LDB2: variants seen among roughly 807,000 people sequenced by gnomAD.
LDB2 encodes LIM domain-binding protein 2.
LDB2 carries 12 observed loss-of-function variants against 44.3 expected under a neutral mutation model. The ratio of observed to expected loss-of-function variants is 0.27; its 90% CI spans 0.17 to 0.44. LDB2 has a LOEUF of 0.44. Ranked by LOEUF, LDB2 falls within the 20% of genes least tolerant of loss-of-function variation. The pLI is 1.00. For missense variants in LDB2, 344 were observed against 473.5 expected, an observed-to-expected ratio of 0.73 and a Z score of 2.54; for synonymous variants, 164 against 174.8, an observed-to-expected ratio of 0.94 and a Z score of 0.49.
chr4:16,747,800 A>G (rs1250114032), intron 2 of LDB2, among the ~76,000 whole-genome samples: 3 of 152,300 alleles, frequency 2.0e-5, no homozygotes, highest in East Asian at 1.9e-4. Flanking sequence ...TGGAGACACC[A>G]TGTGTGTCTA....
intron 2 of LDB2, among the ~76,000 whole-genome samples, chr4:16,604,339 A>C (rs1188223537): frequency 6.6e-6 from 1 of 152,008 alleles, no homozygotes; most frequent in African/African-American, 2.4e-5. Flanking sequence ...GAATGTTTTA[A>C]AAAGTTTTCT....
intron 2 of LDB2, among the ~76,000 whole-genome samples, chr4:16,697,097 T>A (rs976651012): frequency 2.6e-5 from 4 of 152,066 alleles, no homozygotes; most frequent in Admixed American, 2.6e-4. Context: ...TATATTTCCA[T>A]CTTTAGTAAG....
intron 1 of LDB2, among the ~76,000 whole-genome samples, chr4:16,829,065 C>T (rs1160862385): frequency 6.6e-6 from 1 of 152,166 alleles, no homozygotes; most frequent in Non-Finnish European, 1.5e-5. Flanking sequence ...TACCCACTCC[C>T]CTCCTCCCTC....
At chr4:16,655,320 A>G (rs1188841189) in intron 2 of LDB2, among the ~76,000 whole-genome samples, 1 of 152,124 alleles carries the variant, frequency 6.6e-6, no homozygotes, top group Non-Finnish European at 1.5e-5. Flanking sequence ...TATGCTTCAA[A>G]GCACTACCCA....
chr4:16,657,194 G>C (rs966932631), intron 2 of LDB2, among the ~76,000 whole-genome samples: 1 of 152,190 alleles, frequency 6.6e-6, no homozygotes, highest in African/African-American at 2.4e-5. Context: ...CAAAAAGGCT[G>C]TTACTGGGAA....
chr4:16,645,447 G>A (rs1177663851), intron 2 of LDB2, among the ~76,000 whole-genome samples: 1 of 149,340 alleles, frequency 6.7e-6, no homozygotes, highest in Non-Finnish European at 1.5e-5. Flanking sequence ...TGAGGCAGGA[G>A]AATGGCGTGA....
Position 16,533,680 on chromosome 4 carries a change from G to C in LDB2, c.616-21576C>G, listed in dbSNP as rs536825813. Among the ~76,000 whole-genome samples the C allele has an allele frequency of 3.3e-4, 50 of 152,322 alleles. No homozygotes were observed. The highest frequency in any genetic ancestry group is 1.2e-3 in the African/African-American group (49 of 41,584). On this transcript the variant is annotated intron_variant, in intron 5 of 7. Transcript: ENST00000304523. The surrounding 1 kb of genome is among the most constrained non-coding windows in gnomAD (Gnocchi z 4.1). ...TTACCAGACACCTTGTCTGAGGGAC[G>C]TCACCCTGGCTGAACAAATGGTTGC...
At chr4:16,883,282 G>A (rs1286959135) in intron 1 of LDB2, among the ~76,000 whole-genome samples, 1 of 152,230 alleles carries the variant, frequency 6.6e-6, no homozygotes, top group African/African-American at 2.4e-5. Context: ...ATCTAACTGG[G>A]ATCGTAGACT....
At chr4:16,753,339 G>C (rs192772786) in intron 2 of LDB2, among the ~76,000 whole-genome samples, 147 of 152,196 alleles carry the variant, frequency 9.7e-4, no homozygotes, top group African/African-American at 3.4e-3. Context: ...AACCTACTTG[G>C]GCCCCTTGCA....
rs71181181 is a variant in LDB2 at position 16,693,347 on chromosome 4, CTTTTTTT to C, written c.235+65804_235+65810del. Among the ~76,000 whole-genome samples the C allele has an allele frequency of 1.0e-3, 115 of 112,122 alleles. 1 individual carries two copies. The highest frequency in any genetic ancestry group is 6.1e-4 in the East Asian group (2 of 3,298). 73.6% of individuals were successfully genotyped at this position (112,122 alleles called of 152,430 possible). A position where few individuals can be genotyped will look rare whatever the true frequency, so the allele number is the denominator to read the frequency against. ...CTACTTGTTCCCTAGAGCAATAGTT[CTTTTTTT>C]TTTTTTTTTTTTTTTGAGATGAATT... On this transcript the variant is annotated intron_variant, in intron 2 of 7. Transcript: ENST00000304523.
intron 5 of LDB2, among the ~76,000 whole-genome samples, chr4:16,560,326 T>C (rs1741577785): frequency 6.6e-6 from 1 of 151,580 alleles, no homozygotes; most frequent in South Asian, 2.1e-4. Flanking sequence ...CTAGCAAGAC[T>C]AATAAAGAAA....
intron 2 of LDB2, among the ~76,000 whole-genome samples, chr4:16,666,698 GAAAA>G (rs779401527): frequency 9.9e-5 from 15 of 152,128 alleles, no homozygotes; most frequent in Non-Finnish European, 1.9e-4. Flanking sequence ...CCCTTGGAAA[GAAAA>G]TTCACAATAT....
At chr4:16,727,292 G>A (rs1759713649) in intron 2 of LDB2, among the ~76,000 whole-genome samples, 1 of 152,210 alleles carries the variant, frequency 6.6e-6, no homozygotes, top group African/African-American at 2.4e-5. Flanking sequence ...CTTTTCTGCA[G>A]AAAGGAAGAA....
At chr4:16,523,031 T>C (rs550391429) in intron 5 of LDB2, among the ~76,000 whole-genome samples, 99 of 152,352 alleles carry the variant, frequency 6.5e-4, no homozygotes, top group African/African-American at 2.2e-3. Context: ...AGAATTACTC[T>C]AAATGGCCTC....
chr4:16,766,257 T>C (rs1189343934), intron 1 of LDB2, among the ~76,000 whole-genome samples: 1 of 152,060 alleles, frequency 6.6e-6, no homozygotes, highest in Non-Finnish European at 1.5e-5. Context: ...ATTCCACTCA[T>C]ATACAGTCCT....
intron 1 of LDB2, among the ~76,000 whole-genome samples, chr4:16,883,557 A>G (rs914360674): frequency 5.9e-5 from 9 of 152,236 alleles, no homozygotes; most frequent in African/African-American, 2.2e-4. Context: ...ATGTTGACAG[A>G]TGATTTTTCC....
At chr4:16,693,415 A>G (rs1751321649) in intron 2 of LDB2, among the ~76,000 whole-genome samples, 1 of 140,216 alleles carries the variant, frequency 7.1e-6, no homozygotes, top group Non-Finnish European at 1.5e-5. Flanking sequence ...GCAGTGACTG[A>G]CGCCATCGCG....
At chr4:16,618,110 C>T (rs1254947127) in intron 2 of LDB2, among the ~76,000 whole-genome samples, 1 of 152,202 alleles carries the variant, frequency 6.6e-6, no homozygotes, top group Admixed American at 6.5e-5. Flanking sequence ...TAACTACGTA[C>T]ACTTGTCTAT....
chr4:16,725,992 A>G (rs1188380766), intron 2 of LDB2, among the ~76,000 whole-genome samples: 3 of 149,312 alleles, frequency 2.0e-5, no homozygotes, highest in Middle Eastern at 3.5e-3. Flanking sequence ...TATCCATTAT[A>G]TACTTATATA....
Sources: allele counts gnomAD v4.1 joint callset (sites outside exome capture counted in the v4.1 genomes callset), GRCh38; gene constraint gnomAD v4.1.1; non-coding constraint Gnocchi (gnomAD v3.1); transcripts MANE v1.5; gene names NCBI Gene and HGNC (gene_info 2026-07-23, HGNC 2026-07-21).